UNC13A: variants seen among roughly 807,000 people sequenced by gnomAD.
UNC13A encodes unc-13 homolog A, also known as protein unc-13 homolog A.
In UNC13A, 61 loss-of-function variants were observed where a neutral mutation model predicts 219.7. The ratio of observed to expected loss-of-function variants is 0.28; its 90% confidence interval spans 0.23 to 0.34. UNC13A has a LOEUF of 0.34. Among genes scored for constraint, UNC13A ranks in the 10% least tolerant of loss-of-function variants. The pLI is 1.00. For missense variants in UNC13A, 1,476 were observed against 2,270.3 expected (o/e 0.65, Z 7.11); for synonymous variants, 920 against 884.6 (o/e 1.04, Z -0.71).
chr19:17,618,794 C>G lies in UNC13A; in HGVS notation c.4329+112G>C, dbSNP rs1243030272. 1.7e-5 allele frequency: 17 copies of G among 1,024,128 alleles called. No homozygotes were observed. In the South Asian group the frequency reaches 2.2e-4, roughly 14 times the overall value. 63.4% of individuals were successfully genotyped at this position (1,024,128 alleles called of 1,614,324 possible). The stretch of plus-strand genomic sequence containing the variant: ...GTGAGTAGAGTTTCTGTCCTTTGAG[C>G]CTGTAATGCATGTCATCATCCTGGG... On this transcript the variant is annotated intron_variant, in intron 39 of 43. Transcript: ENST00000519716.
chr19:17,654,924 C>T (rs1038955757), intron 11 of UNC13A, among the ~76,000 whole-genome samples: 1 of 152,152 alleles, frequency 6.6e-6, no homozygotes, highest in African/African-American at 2.4e-5. Flanking sequence ...TGTGTGGGGC[C>T]AGACTTGGTG....
At chr19:17,643,074 C>T (rs1004866670) in intron 19 of UNC13A, 114 bp from the exon 20 acceptor site, 15 of 741,100 alleles carry the variant, frequency 2.0e-5, no homozygotes, top group African/African-American at 1.2e-4. Context: ...TGCAGTGGCA[C>T]GATCTCAGCT....
intron 26 of UNC13A, among the ~76,000 whole-genome samples, chr19:17,634,599 C>T (rs2076893423): frequency 6.6e-6 from 1 of 152,186 alleles, no homozygotes; most frequent in Non-Finnish European, 1.5e-5. Flanking sequence ...CTCGGCCTCC[C>T]AAAGTGCTGG....
chr19:17,610,560 A>G (rs2076592047), intron 42 of UNC13A, among the ~76,000 whole-genome samples: 2 of 152,156 alleles, frequency 1.3e-5, no homozygotes, highest in East Asian at 1.9e-4. Context: ...CCATGAAGCT[A>G]AGTGTGGTCA....
At chr19:17,635,999 TTAAC>T (rs1407508625) in intron 26 of UNC13A, 21 bp downstream of exon 26, 1 of 1,591,426 alleles carries the variant, frequency 6.3e-7, no homozygotes, top group African/African-American at 1.3e-5. Flanking sequence ...ACCCAGATAA[TTAAC>T]TACACAGATA....
At chr19:17,669,933 T>C (rs2079748961) in intron 4 of UNC13A, among the ~76,000 whole-genome samples, 2 of 136,040 alleles carry the variant, frequency 1.5e-5, no homozygotes, top group Admixed American at 1.6e-4. Context: ...TTCTCTCTCT[T>C]TTTTCTTTTC....
intron 41 of UNC13A, 83 bp downstream of exon 41, chr19:17,617,619 G>T: frequency 6.4e-7 from 1 of 1,566,206 alleles, no homozygotes; most frequent in East Asian, 2.3e-5. Flanking sequence ...TCACAGGGGA[G>T]TGAGCCAATG....
chr19:17,648,540 C>G lies in UNC13A; in HGVS notation c.1707G>C (p.Glu569Asp). Reference protein sequence around the residue: ...WTATTPTYCYECEGLLWGIAR... With the variant: ...WTATTPTYCYDCEGLLWGIAR... ...CGATGCCCCACAGCAGCCCCTCGCA[C>G]TCGTAGCAGTAGGTGGGCGTGGTGG... The change falls in exon 16 of 44, where the codon GAG (glutamate) becomes GAC (aspartate). Residue 569 changes from glutamate to aspartate, a missense_variant. Transcript: ENST00000519716. 1 of 1,614,054 alleles carries G rather than the reference C, an allele frequency of 6.2e-7. No individual in the cohort carries two copies. Among genetic ancestry groups the G allele is most frequent in the Non-Finnish European group, 8.5e-7 (1 of 1,180,024 alleles).
chr19:17,674,795 G>C lies in UNC13A; in HGVS notation c.53-39C>G, dbSNP rs1444415820. On this transcript the variant is annotated intron_variant, in intron 2 of 43. Transcript: ENST00000519716. This position sits in a 1 kb window ranked among gnomAD's most constrained non-coding sequence, Gnocchi z 5.0. ...AGTAGGGGTCAGCGCTGGGGCTCAG[G>C]GACTCTCCAATGCCCCTTCCCAAGC... 2.5e-5 allele frequency: 39 copies of C among 1,557,450 alleles called. No homozygotes were observed. Among genetic ancestry groups the C allele is most frequent in the Non-Finnish European group, 3.1e-5 (35 of 1,129,272 alleles).
At chr19:17,647,621 C>T (rs2079261062) in intron 16 of UNC13A, 129 bp from the exon 17 acceptor site, 1 of 848,648 alleles carries the variant, frequency 1.2e-6, no homozygotes, top group Non-Finnish European at 1.8e-6. Context: ...CGGTTTCCTA[C>T]CTGCTTTCTG....
chr19:17,616,450 CT>C, intron 41 of UNC13A: 1 of 573,724 alleles, frequency 1.7e-6, no homozygotes, highest in Non-Finnish European at 3.3e-6. Context: ...AACCTAGTAC[CT>C]TTTCCACCAT....
chr19:17,661,117 T>A (rs1218354415), intron 8 of UNC13A, among the ~76,000 whole-genome samples: 1 of 150,450 alleles, frequency 6.6e-6, no homozygotes, highest in African/African-American at 2.4e-5. Flanking sequence ...TTTTTTTTTT[T>A]TTGTAGAGAT....
intron 1 of UNC13A, among the ~76,000 whole-genome samples, chr19:17,686,957 C>A (rs1290648283): frequency 6.6e-6 from 1 of 152,116 alleles, no homozygotes; most frequent in Non-Finnish European, 1.5e-5. Context: ...CAGTCTCAGG[C>A]TTGGCAGACA....
intron 10 of UNC13A, among the ~76,000 whole-genome samples, chr19:17,655,651 C>G (rs539268679): frequency 2.0e-5 from 3 of 152,238 alleles, no homozygotes; most frequent in Admixed American, 6.5e-5. Context: ...ATCTTGACCT[C>G]TCCGACCCCA....
chr19:17,671,309 G>A (rs1462768935), intron 4 of UNC13A, among the ~76,000 whole-genome samples: 1 of 152,138 alleles, frequency 6.6e-6, no homozygotes, highest in East Asian at 1.9e-4. Flanking sequence ...TTAGAGTGTG[G>A]GGGGAGATGA....
rs775918739 is a variant in UNC13A at position 17,636,068 on chromosome 19, G to A, written c.3171C>T (p.Ser1057=). 2.2e-5 allele frequency: 35 copies of A among 1,612,266 alleles called. No homozygotes were observed. The highest frequency in any genetic ancestry group is 8.5e-7 in the Non-Finnish European group (1 of 1,179,044). The change falls in exon 26 of 44, where the codon TCC becomes TCT. Residue 1057 remains serine (S), a synonymous_variant. Coordinates refer to ENST00000519716, the MANE Select transcript of UNC13A (RefSeq NM_001080421.3). ...FWSKLITLIV[S]IIEEDKNSYT... ...AGGAATTCTTGTCTTCCTCAATGAT[G>A]GACACTATGAGGGTAATCAGCTTGG...
In UNC13A at chr19:17,641,401, T is replaced by C. The variant is rs534209312; in HGVS notation, c.2628A>G (p.Gln876=). The C allele has an allele frequency of 6.2e-7, 1 of 1,613,982 alleles. No individual in the cohort carries two copies. Among genetic ancestry groups the C allele is most frequent in the East Asian group, 2.2e-5 (1 of 44,882 alleles). ...CCAGCCTGCAGTCTCACGTCATGGC[T>C]TGGTAGATGGACTCGACGCCGTAGC... ...AMRYGVESIY[Q]AMTHFACLSS... The change falls in exon 21 of 44, where the codon CAA becomes CAG. Residue 876 remains glutamine, a synonymous_variant. Transcript: ENST00000519716.
chr19:17,627,426 C>A lies in UNC13A; in HGVS notation c.3920+83G>T. On this transcript the variant is annotated intron_variant, in intron 33 of 43. Transcript: ENST00000519716. This position sits in a 1 kb window ranked among gnomAD's most constrained non-coding sequence, Gnocchi z 4.7. ...GAGCCTGCAATCTTCACCTCTACAT[C>A]TGCTGAGCCTCCAGATGCCCCAGGC... is the stretch of plus-strand genomic sequence containing the variant. The A allele has an allele frequency of 9.1e-7, 1 of 1,098,754 alleles. No individual in the cohort carries two copies. Among genetic ancestry groups the A allele is most frequent in the South Asian group, 1.4e-5 (1 of 71,582 alleles). The allele number at this position is 1,098,754 out of a possible 1,614,324, so 68.1% of individuals were successfully genotyped here. A position where few individuals can be genotyped will look rare whatever the true frequency, so the allele number is the denominator to read the frequency against.
In UNC13A at chr19:17,629,304, A is replaced by C. The variant is rs749757450; in HGVS notation, c.3689T>G (p.Leu1230Arg). Residue 1230 changes from leucine to arginine, a missense_variant, in exon 31 of 44, where the codon CTC (leucine) becomes CGC (arginine). By Grantham distance (102) the Leu-to-Arg change is moderately radical (BLOSUM62 -2). Coordinates refer to ENST00000519716, the MANE Select transcript of UNC13A (RefSeq NM_001080421.3). The part of the protein sequence containing the change: ...RFAKTISNVL[L>R]QYADIISKDF... ...CTTGGAGATGATGTCTGCATACTGGAGGAGCACATTACTGATGGTCTGGGG... is the reference window on the plus strand; with the variant it reads ...CTTGGAGATGATGTCTGCATACTGGCGGAGCACATTACTGATGGTCTGGGG... 5 of 1,612,054 alleles carry C rather than the reference A, an allele frequency of 3.1e-6. No individual in the cohort carries two copies. Among genetic ancestry groups the C allele is most frequent in the Non-Finnish European group, 3.4e-6 (4 of 1,179,224 alleles).
Sources: allele counts gnomAD v4.1 joint callset (sites outside exome capture counted in the v4.1 genomes callset), GRCh38; gene constraint gnomAD v4.1.1; non-coding constraint Gnocchi (gnomAD v3.1); transcripts MANE v1.5; gene names NCBI Gene and HGNC (gene_info 2026-07-23, HGNC 2026-07-21).